C11orf58: variants seen among roughly 807,000 people sequenced by gnomAD.
C11orf58 encodes the protein small acidic protein.
C11orf58 carries 5 observed loss-of-function variants against 22.7 expected under a neutral mutation model. The ratio of observed to expected loss-of-function variants is 0.22; its 90% CI spans 0.12 to 0.46. The LOEUF (loss-of-function observed/expected upper bound fraction) is 0.46, where lower values mean the gene tolerates loss of function less well. Among genes scored for constraint, C11orf58 ranks in the 20% least tolerant of loss-of-function variants. C11orf58 has a pLI of 0.99. For synonymous variants in C11orf58, 71 were observed against 70.7 expected (o/e 1.00, Z -0.02); for missense variants, 151 against 223.3 (o/e 0.68, Z 2.06).
chr11:16,746,493 A>G (rs911592683), intron 2 of C11orf58, among the ~76,000 whole-genome samples: 2 of 152,192 alleles, frequency 1.3e-5, no homozygotes, highest in African/African-American at 2.4e-5. Context: ...GTTAAAATCG[A>G]AGTTTCCAAG....
chr11:16,738,664 G>C lies in C11orf58; in HGVS notation c.-115G>C. The C allele has an allele frequency of 1.7e-6, 2 of 1,179,130 alleles. No homozygotes were observed. Among genetic ancestry groups the C allele is most frequent in the South Asian group, 2.5e-5 (2 of 81,426 alleles). 73.0% of individuals were successfully genotyped at this position (1,179,130 alleles called of 1,614,324 possible). Reference sequence around the variant, plus strand: ...ACTGTGGCAGAGAAGGCCCGGAGGGGCTCTGCGTTCTGTAGTGGCGCTGCT... The same window carrying C: ...ACTGTGGCAGAGAAGGCCCGGAGGGCCTCTGCGTTCTGTAGTGGCGCTGCT... On this transcript the variant is annotated 5_prime_UTR_variant, in exon 1 of 5. Transcript: ENST00000228136.
chr11:16,754,930 T>G lies in C11orf58; in HGVS notation c.378T>G (p.Asp126Glu). Residue 126 changes from aspartate to glutamate, a missense_variant, in exon 5 of 5, where the codon GAT (aspartate) becomes GAG (glutamate). Asp to Glu is a conservative substitution (Grantham distance 45). This residue lies in a region of C11orf58 where 112 missense variants were observed against 162.6 expected (regional missense o/e 0.69). Transcript: ENST00000228136. Reference sequence around the variant, plus strand: ...GAGATGATGATGATGACGATGATGATTCACCTGATCCTGAAAGTCCAGATG... The same window carrying G: ...GAGATGATGATGATGACGATGATGAGTCACCTGATCCTGAAAGTCCAGATG... ...VAGDDDDDDD[D>E]SPDPESPDDS... 6.2e-7 allele frequency: 1 copy of G among 1,614,122 alleles called. No individual in the cohort carries two copies. Among genetic ancestry groups the G allele is most frequent in the Non-Finnish European group, 8.5e-7 (1 of 1,180,018 alleles).
intron 4 of C11orf58, chr11:16,753,850 C>A (rs1848552560): frequency 2.1e-6 from 1 of 468,776 alleles, no homozygotes; most frequent in South Asian, 3.8e-5. Context: ...AGGCCTGCAC[C>A]ACCATGCCTA....
At chr11:16,744,051 A>T (rs1323376969) in intron 1 of C11orf58, among the ~76,000 whole-genome samples, 3 of 127,276 alleles carry the variant, frequency 2.4e-5, no homozygotes, top group South Asian at 2.7e-4. Context: ...TAGAACTGCT[A>T]AAAAAAAAAA....
At chr11:16,739,004 A>G (rs1311733410) in intron 1 of C11orf58, among the ~76,000 whole-genome samples, 163 bp downstream of exon 1, 3 of 152,010 alleles carry the variant, frequency 2.0e-5, no homozygotes, top group Non-Finnish European at 4.4e-5. Context: ...AATCTTTATG[A>G]GGGTCAGAAG....
intron 1 of C11orf58, among the ~76,000 whole-genome samples, chr11:16,743,040 A>G (rs1486542169): frequency 6.6e-6 from 1 of 152,244 alleles, no homozygotes. Context: ...GATTTGCATC[A>G]TCAAAATACA....
intron 1 of C11orf58, among the ~76,000 whole-genome samples, chr11:16,742,753 G>T (rs1848457974): frequency 6.6e-6 from 1 of 152,012 alleles, no homozygotes; most frequent in South Asian, 2.1e-4. Flanking sequence ...ACTTTATTAG[G>T]AATTTTAATG....
At chr11:16,740,655 C>T (rs1455407589) in intron 1 of C11orf58, among the ~76,000 whole-genome samples, 1 of 152,032 alleles carries the variant, frequency 6.6e-6, no homozygotes, top group African/African-American at 2.4e-5. Context: ...CTACTAGACC[C>T]AAGCGATCTG....
chr11:16,748,405 G>C, intron 3 of C11orf58: 1 of 322,738 alleles, frequency 3.1e-6, no homozygotes, highest in Admixed American at 4.5e-5. Flanking sequence ...TTCCAGCCTG[G>C]GCTACAGAGC....
chr11:16,752,389 AAAG>A (rs1848540282), intron 3 of C11orf58: 1 of 153,288 alleles, frequency 6.5e-6, no homozygotes, highest in Non-Finnish European at 1.5e-5. Context: ...AGAAAGGCAT[AAAG>A]AAGAGTCAGT....
intron 2 of C11orf58, among the ~76,000 whole-genome samples, chr11:16,745,232 T>C (rs1176896690): frequency 6.6e-6 from 1 of 152,186 alleles, no homozygotes; most frequent in Non-Finnish European, 1.5e-5. Flanking sequence ...TTAAAAATGT[T>C]CAAGATACTT....
chr11:16,746,745 C>G (rs1848490897), intron 2 of C11orf58: 1 of 152,140 alleles, frequency 6.6e-6, no homozygotes, highest in South Asian at 2.1e-4. Flanking sequence ...CCTCTGCCTC[C>G]CGGGTTCAAG....
At chr11:16,754,765 G>A in intron 4 of C11orf58, 106 bp from the exon 5 acceptor site, 2 of 1,511,910 alleles carry the variant, frequency 1.3e-6, no homozygotes. Context: ...TTGTTCTAAT[G>A]GCTACAAAGT....
At chr11:16,754,535 C>G (rs1467507459) in intron 4 of C11orf58, among the ~76,000 whole-genome samples, 3 of 85,920 alleles carry the variant, frequency 3.5e-5, no homozygotes, top group African/African-American at 1.3e-4. Context: ...TAGTTTCTCT[C>G]TCTCTCTCTC....
At chr11:16,740,888 T>G (rs1314983731) in intron 1 of C11orf58, among the ~76,000 whole-genome samples, 1 of 149,632 alleles carries the variant, frequency 6.7e-6, no homozygotes, top group Non-Finnish European at 1.5e-5. Flanking sequence ...GGTCAGGAGA[T>G]CCAAACCATC....
chr11:16,748,856 T>C (rs1475499057), intron 3 of C11orf58, among the ~76,000 whole-genome samples: 3 of 152,206 alleles, frequency 2.0e-5, no homozygotes, highest in Admixed American at 2.0e-4. Context: ...ATTATGATAT[T>C]CTAACCAAGA....
rs1427863398 is a variant in C11orf58 at position 16,757,582 on chromosome 11, A to C, written c.*2478A>C. Among the ~76,000 whole-genome samples the C allele has an allele frequency of 6.6e-6, 1 of 152,182 alleles. No individual in the cohort carries two copies. On this transcript the variant is annotated 3_prime_UTR_variant, in exon 5 of 5. Transcript: ENST00000228136. ...AAATCAAATTGGAAAAAAATTAGAC[A>C]ACTGATGTCATGCTGTCTTGGTATC...
chr11:16,752,598 T>A, intron 3 of C11orf58, 187 bp from the exon 4 acceptor site: 1 of 384,132 alleles, frequency 2.6e-6, no homozygotes, highest in East Asian at 4.0e-5. Context: ...TAAATATTTA[T>A]GCTATCTCAA....
intron 1 of C11orf58, among the ~76,000 whole-genome samples, chr11:16,741,808 AC>A (rs1215293429): frequency 6.6e-6 from 1 of 151,934 alleles, no homozygotes; most frequent in Non-Finnish European, 1.5e-5. Context: ...GTCTCCCATT[AC>A]CCCCCAGATG....
Sources: gnomAD v4.1 joint callset for allele counts (sites outside exome capture counted in the v4.1 genomes callset) on GRCh38, gnomAD v4.1.1 for gene constraint, gnomAD v4.1.1 regional missense constraint, MANE v1.5 for transcripts, NCBI Gene and HGNC (gene_info 2026-07-23, HGNC 2026-07-21) for gene names.